The following IGFL2 variants were observed in gnomAD, a reference collection of about 807,000 sequenced individuals.
IGFL2 encodes IGF like family member 2, also known as insulin growth factor-like family member 2.
Under a neutral mutation model 13.9 loss-of-function variants are expected in IGFL2, and 7 were observed. That is an observed-to-expected ratio of 0.51 (90% CI 0.29 to 0.95). IGFL2 has a LOEUF of 0.95. Among genes scored for constraint, IGFL2 ranks in the 40% least tolerant of loss-of-function variants. The probability of loss-of-function intolerance (pLI) is 0.08; values close to 1 mark genes in which losing one functional copy is unlikely to be tolerated. For synonymous variants in IGFL2, 55 were observed against 55.8 expected (o/e 0.99, Z 0.07); for missense variants, 138 against 147.8 (o/e 0.93, Z 0.34).
chr19:46,115,648 C>G, the IGFL2 span, among the ~76,000 whole-genome samples: 14 of 152,160 alleles, frequency 9.2e-5, no homozygotes, highest in Admixed American at 3.9e-4. Flanking sequence ...TTTCACTACC[C>G]GACTCTCTGT....
the IGFL2 span, among the ~76,000 whole-genome samples, chr19:46,092,639 CAA>C: frequency 2.7e-5 from 4 of 148,104 alleles, no homozygotes; most frequent in African/African-American, 5.0e-5. Context: ...GACCCTGTCT[CAA>C]AAAAAAAATT....
chr19:46,116,188 G>T, the IGFL2 span, among the ~76,000 whole-genome samples: 1 of 152,022 alleles, frequency 6.6e-6, no homozygotes. Context: ...CCATTAACTC[G>T]TAATTTACAT....
chr19:46,118,719 C>G, the IGFL2 span, among the ~76,000 whole-genome samples: 1 of 152,176 alleles, frequency 6.6e-6, no homozygotes, highest in Non-Finnish European at 1.5e-5. Flanking sequence ...AGACCAGGCA[C>G]TCCCATGCAC....
the IGFL2 span, among the ~76,000 whole-genome samples, chr19:46,183,513 T>C: frequency 6.6e-6 from 1 of 150,470 alleles, no homozygotes; most frequent in Non-Finnish European, 1.5e-5. Context: ...GTCTCTCCCC[T>C]ACTCTGTCTC....
chr19:46,173,805 T>G, the IGFL2 span: 1 of 152,312 alleles, frequency 6.6e-6, no homozygotes, highest in African/African-American at 2.4e-5. Flanking sequence ...AATTGTAAAC[T>G]TTCATAACCA....
the IGFL2 span, among the ~76,000 whole-genome samples, chr19:46,193,668 G>T: frequency 3.0e-4 from 46 of 152,286 alleles, no homozygotes; most frequent in Admixed American, 1.2e-3. Context: ...ACAGAAATTT[G>T]CACTAGCTTT....
the IGFL2 span, chr19:46,204,925 C>G: frequency 6.6e-6 from 1 of 151,216 alleles, no homozygotes; most frequent in African/African-American, 2.4e-5. Context: ...TTACAGGTAC[C>G]TGCCACCACA....
chr19:46,200,589 A>G, the IGFL2 span, among the ~76,000 whole-genome samples: 3 of 150,424 alleles, frequency 2.0e-5, no homozygotes, highest in Non-Finnish European at 4.4e-5. Flanking sequence ...TATCATGACT[A>G]ATTTCAACCT....
the IGFL2 span, among the ~76,000 whole-genome samples, chr19:46,125,432 C>T: frequency 1.1e-4 from 17 of 152,242 alleles, no homozygotes; most frequent in Non-Finnish European, 2.4e-4. Flanking sequence ...GAGGGAAGGG[C>T]AGGGCAAACT....
the IGFL2 span, among the ~76,000 whole-genome samples, chr19:46,086,994 A>G: frequency 1.3e-5 from 2 of 152,142 alleles, no homozygotes; most frequent in Non-Finnish European, 2.9e-5. Flanking sequence ...CAGGTAGGCC[A>G]GGTTTTGGGC....
At chr19:46,152,369 T>G (rs185772851) in intron 1 of IGFL2, among the ~76,000 whole-genome samples, 1 of 152,044 alleles carries the variant, frequency 6.6e-6, no homozygotes, top group Non-Finnish European at 1.5e-5. Context: ...TTCGAACTCC[T>G]GGGCTCAAGT....
the IGFL2 span, among the ~76,000 whole-genome samples, chr19:46,098,478 C>CTTTTTTT: frequency 1.6e-5 from 2 of 128,392 alleles, no homozygotes; most frequent in African/African-American, 3.0e-5. Flanking sequence ...CAATCTGTGT[C>CTTTTTTT]TTTTTTTTTT....
chr19:46,199,239 AGT>A, the IGFL2 span, among the ~76,000 whole-genome samples: 2 of 152,232 alleles, frequency 1.3e-5, no homozygotes, highest in Admixed American at 1.3e-4. Context: ...TGGATTAGAA[AGT>A]GAGATGGGAG....
At chr19:46,126,599 A>C in the IGFL2 span, among the ~76,000 whole-genome samples, 1 of 152,216 alleles carries the variant, frequency 6.6e-6, no homozygotes, top group African/African-American at 2.4e-5. Flanking sequence ...GATCTGCAAG[A>C]AAATATGTAC....
At chr19:46,123,981 C>G in the IGFL2 span, 1 of 1,611,482 alleles carries the variant, frequency 6.2e-7, no homozygotes, top group Non-Finnish European at 8.5e-7. Flanking sequence ...GGCCAAAAGA[C>G]TCGGGACAGC....
chr19:46,121,408 A>AG, the IGFL2 span, among the ~76,000 whole-genome samples: 2 of 140,794 alleles, frequency 1.4e-5, no homozygotes, highest in African/African-American at 5.5e-5. Flanking sequence ...AAAAAAAAAA[A>AG]AGAAGAAGAA....
At chr19:46,098,750 A>T in the IGFL2 span, among the ~76,000 whole-genome samples, 2 of 152,162 alleles carry the variant, frequency 1.3e-5, no homozygotes, top group Non-Finnish European at 2.9e-5. Context: ...AAGTACTGGG[A>T]TTACACAACA....
chr19:46,145,671 A>T (rs539473439), upstream of IGFL2, among the ~76,000 whole-genome samples: 2 of 150,606 alleles, frequency 1.3e-5, no homozygotes, highest in South Asian at 4.2e-4. Flanking sequence ...ATATATTTAA[A>T]TTTTGCCAAT....
chr19:46,191,920 T>G, the IGFL2 span, among the ~76,000 whole-genome samples: 1 of 152,262 alleles, frequency 6.6e-6, no homozygotes, highest in African/African-American at 2.4e-5. Context: ...AATCATTGAA[T>G]TTTTGATTCA....
Sources: allele counts gnomAD v4.1 joint callset (sites outside exome capture counted in the v4.1 genomes callset), GRCh38; gene constraint gnomAD v4.1.1; transcripts MANE v1.5; gene names NCBI Gene and HGNC (gene_info 2026-07-23, HGNC 2026-07-21).